Variants in RBFOX1 observed in about 807,000 individuals in gnomAD.
RBFOX1 encodes RNA binding protein fox-1 homolog 1.
In RBFOX1, 8 loss-of-function variants were observed where a neutral mutation model predicts 57.7. The observed-to-expected ratio is 0.14, with a 90% confidence interval of 0.08 to 0.25. The LOEUF (loss-of-function observed/expected upper bound fraction) is 0.25, where lower values mean the gene tolerates loss of function less well. RBFOX1 is among the 10% of genes least tolerant of loss of function. The probability of loss-of-function intolerance (pLI) is 1.00; values close to 1 mark genes in which losing one functional copy is unlikely to be tolerated. For missense variants in RBFOX1, 611 were observed against 548.5 expected, an observed-to-expected ratio of 1.11 and a Z score of -1.14; for synonymous variants, 326 against 222.4, an observed-to-expected ratio of 1.47 and a Z score of -4.15.
At chr16:6,351,520 C>A (rs1424438823) in intron 2 of RBFOX1, among the ~76,000 whole-genome samples, 1 of 151,334 alleles carries the variant, frequency 6.6e-6, no homozygotes, top group Non-Finnish European at 1.5e-5. Context: ...ACTACAGGCA[C>A]CTGCCACCCT....
intron 2 of RBFOX1, among the ~76,000 whole-genome samples, chr16:6,354,606 C>G (rs915203353): frequency 6.6e-6 from 1 of 152,172 alleles, no homozygotes; most frequent in Non-Finnish European, 1.5e-5. Flanking sequence ...CCTTCTGTTT[C>G]CTCTTCCTGA....
chr16:7,029,314 A>G (rs1321008509), intron 3 of RBFOX1, among the ~76,000 whole-genome samples: 1 of 147,650 alleles, frequency 6.8e-6, no homozygotes, highest in East Asian at 2.0e-4. Flanking sequence ...ATGTATATAT[A>G]TATAAAATCA....
chr16:5,774,728 A>C (rs909004149), intron 3 of RBFOX1, among the ~76,000 whole-genome samples: 1 of 152,126 alleles, frequency 6.6e-6, no homozygotes, highest in Non-Finnish European at 1.5e-5. Context: ...TCTCGCCCAG[A>C]CTAGAGTGCA....
At position 7,243,068 on chromosome 16, in the gene RBFOX1, C is replaced by T. The variant is rs947212323; in HGVS notation, c.27+190970C>T. 6.6e-5 allele frequency among the ~76,000 whole-genome samples: 10 copies of T among 151,958 alleles called. No individual in the cohort carries two copies. In the South Asian group the frequency reaches 1.9e-3, roughly 28 times the overall value. ...TAAATTGGTAATATAATAATATATT[C>T]CCTTTATTCTTTGTCATTAGCTGAA... On this transcript the variant is annotated intron_variant, in intron 4 of 15. Transcript: ENST00000550418.
intron 4 of RBFOX1, among the ~76,000 whole-genome samples, chr16:7,362,396 ATTGTGTGTATATGTT>A (rs2097344591): frequency 6.9e-6 from 1 of 144,540 alleles, no homozygotes; most frequent in African/African-American, 2.6e-5. Context: ...TGTGTGTGTG[ATTGTGTGTATATGTT>A]TTGTGTGTAT....
chr16:5,386,721 G>C (rs1040024313), intron 1 of RBFOX1, among the ~76,000 whole-genome samples: 3 of 152,156 alleles, frequency 2.0e-5, no homozygotes, highest in African/African-American at 7.2e-5. Context: ...CCCAGCAGGA[G>C]TTGTTGCCTC....
chr16:7,520,411 A>T (rs2077284840), intron 5 of RBFOX1, among the ~76,000 whole-genome samples: 1 of 152,054 alleles, frequency 6.6e-6, no homozygotes. Flanking sequence ...CATACCCACT[A>T]AGCAGACACT....
At chr16:5,805,587 G>C (rs1338319555) in intron 3 of RBFOX1, among the ~76,000 whole-genome samples, 1 of 152,188 alleles carries the variant, frequency 6.6e-6, no homozygotes, top group African/African-American at 2.4e-5. Context: ...TTTATCAAAA[G>C]GTTAAAGGAA....
At chr16:5,258,478 C>G (rs568426393) in intron 1 of RBFOX1, among the ~76,000 whole-genome samples, 3 of 152,116 alleles carry the variant, frequency 2.0e-5, no homozygotes, top group Non-Finnish European at 4.4e-5. Context: ...CCTCTAAGAT[C>G]GAGTTTACAT....
At chr16:5,682,370 A>G (rs920076721) in intron 3 of RBFOX1, among the ~76,000 whole-genome samples, 1 of 152,206 alleles carries the variant, frequency 6.6e-6, no homozygotes, top group Admixed American at 6.5e-5. Context: ...AAACTGGTTA[A>G]AATGTGGTAA....
intron 1 of RBFOX1, among the ~76,000 whole-genome samples, chr16:6,236,673 A>G (rs1445039965): frequency 6.6e-6 from 1 of 151,702 alleles, no homozygotes; most frequent in East Asian, 1.9e-4. Context: ...CTGGTCTCAA[A>G]CTCCTGAGCT....
intron 4 of RBFOX1, among the ~76,000 whole-genome samples, chr16:5,999,883 A>T (rs2060560911): frequency 3.6e-5 from 2 of 55,566 alleles, no homozygotes; most frequent in Non-Finnish European, 8.0e-5. Context: ...AAAAAAAAAA[A>T]AAAAAAAAAA....
chr16:6,807,743 G>T (rs2087221841), intron 3 of RBFOX1, among the ~76,000 whole-genome samples: 1 of 152,078 alleles, frequency 6.6e-6, no homozygotes, highest in Non-Finnish European at 1.5e-5. Context: ...TTGAATCCAG[G>T]AGATGGAGGT....
At chr16:7,607,601 C>G (rs924913049) in intron 10 of RBFOX1, among the ~76,000 whole-genome samples, 1 of 152,120 alleles carries the variant, frequency 6.6e-6, no homozygotes, top group Non-Finnish European at 1.5e-5. Flanking sequence ...CTAAAAAAAG[C>G]ATTGTGACTT....
Position 7,503,379 on chromosome 16 carries a change from T to C in RBFOX1, c.28-14768T>C, listed in dbSNP as rs140809022. 6.0e-3 allele frequency among the ~76,000 whole-genome samples: 914 copies of C among 152,324 alleles called. 13 individuals carry two copies. Among genetic ancestry groups the C allele is most frequent in the Non-Finnish European group, 8.0e-3 (545 of 68,026 alleles). On this transcript the variant is annotated intron_variant, in intron 4 of 15. Coordinates refer to ENST00000550418, the MANE Select transcript of RBFOX1 (RefSeq NM_018723.4). ...CATTCGATCGATCAATTTCCTCCTT[T>C]AGAAGCAGGCAGAGAATACTCTGGA...
Position 6,874,914 on chromosome 16 carries a change from A to C in RBFOX1, c.-15-177143A>C, listed in dbSNP as rs75029162. Among the ~76,000 whole-genome samples the C allele has an allele frequency of 1.9e-3, 285 of 152,312 alleles. 5 individuals carry two copies. The East Asian group carries it at 0.045, about 24-fold the overall frequency. ...GTTCCCACAAAACTATTGAAATAAT[A>C]ATAAAAGAAAAACATTGTTGAAAAG... is the stretch of plus-strand genomic sequence containing the variant. On this transcript the variant is annotated intron_variant, in intron 3 of 15. Transcript: ENST00000550418.
intron 4 of RBFOX1, among the ~76,000 whole-genome samples, chr16:7,123,324 T>C (rs1056936544): frequency 7.9e-5 from 12 of 152,214 alleles, no homozygotes; most frequent in Admixed American, 7.2e-4. Context: ...TATTTGTGGA[T>C]GGAATAAATG....
At chr16:5,649,552 A>C (rs2049164420) in intron 3 of RBFOX1, among the ~76,000 whole-genome samples, 1 of 152,226 alleles carries the variant, frequency 6.6e-6, no homozygotes, top group Admixed American at 6.5e-5. Context: ...TAATAAAACT[A>C]AAAACAGAAA....
intron 1 of RBFOX1, among the ~76,000 whole-genome samples, chr16:5,284,198 G>A (rs962998646): frequency 2.6e-5 from 4 of 152,154 alleles, no homozygotes; most frequent in East Asian, 1.9e-4. Context: ...CCCCAGCTAC[G>A]TGGAAATGTA....
Sources: gnomAD v4.1 joint callset for allele counts (sites outside exome capture counted in the v4.1 genomes callset) on GRCh38, gnomAD v4.1.1 for gene constraint, MANE v1.5 for transcripts, NCBI Gene and HGNC (gene_info 2026-07-23, HGNC 2026-07-21) for gene names.